Variants in UNC5D observed in about 807,000 individuals in gnomAD.
UNC5D encodes netrin receptor UNC5D.
In UNC5D, 39 loss-of-function variants were observed where a neutral mutation model predicts 105.4. The ratio of observed to expected loss-of-function variants is 0.37; its 90% CI spans 0.29 to 0.48. UNC5D has a LOEUF of 0.48. Among genes scored for constraint, UNC5D ranks in the 20% least tolerant of loss-of-function variants. The pLI is 0.98. For synonymous variants in UNC5D, 452 were observed against 450.4 expected, an observed-to-expected ratio of 1.00 and a Z score of -0.04; for missense variants, 991 against 1,202.4, an observed-to-expected ratio of 0.82 and a Z score of 2.60.
chr8:35,311,958 G>GA (rs987408608), intron 1 of UNC5D, among the ~76,000 whole-genome samples: 2 of 151,596 alleles, frequency 1.3e-5, no homozygotes, highest in Admixed American at 6.6e-5. Flanking sequence ...AGAATAACGG[G>GA]AAAAAAAAGA....
intron 1 of UNC5D, among the ~76,000 whole-genome samples, chr8:35,258,698 A>G (rs1804246717): frequency 6.6e-6 from 1 of 152,164 alleles, no homozygotes; most frequent in South Asian, 2.1e-4. Context: ...CTGGAAACTG[A>G]GATCTAGAAA....
At chr8:35,673,500 G>A (rs1282978536) in intron 4 of UNC5D, among the ~76,000 whole-genome samples, 2 of 152,150 alleles carry the variant, frequency 1.3e-5, no homozygotes, top group Non-Finnish European at 2.9e-5. Flanking sequence ...ATATATTTGA[G>A]GGCTACTAAT....
At chr8:35,299,286 CTGTT>C (rs1169451000) in intron 1 of UNC5D, among the ~76,000 whole-genome samples, 3 of 152,128 alleles carry the variant, frequency 2.0e-5, no homozygotes, top group South Asian at 2.1e-4. Flanking sequence ...TGATCATAGA[CTGTT>C]TGAGGAATGG....
intron 11 of UNC5D, among the ~76,000 whole-genome samples, chr8:35,745,323 C>T (rs1183905971): frequency 6.6e-6 from 1 of 152,110 alleles, no homozygotes; most frequent in Non-Finnish European, 1.5e-5. Flanking sequence ...GAAAACTCTT[C>T]CAGGAAGCAG....
chr8:35,243,368 G>C (rs957059590), intron 1 of UNC5D, among the ~76,000 whole-genome samples: 2 of 152,176 alleles, frequency 1.3e-5, no homozygotes, highest in Non-Finnish European at 2.9e-5. Flanking sequence ...AAAGAAAGAT[G>C]CTGCTCCAGT....
At chr8:35,680,849 C>T (rs1030113060) in intron 4 of UNC5D, among the ~76,000 whole-genome samples, 4 of 152,126 alleles carry the variant, frequency 2.6e-5, no homozygotes, top group Admixed American at 2.6e-4. Flanking sequence ...TGAGGAGAAG[C>T]ATGAAAGAAG....
chr8:35,255,463 A>G (rs1804012412), intron 1 of UNC5D: 1 of 152,174 alleles, frequency 6.6e-6, no homozygotes, highest in African/African-American at 2.4e-5. Flanking sequence ...CAGGATGAGG[A>G]TGTTGTGTGG....
rs747771719 is a variant in UNC5D at position 35,774,398 on chromosome 8, C to T, written c.2578C>T (p.Arg860Trp). The T allele has an allele frequency of 3.7e-6, 6 of 1,613,972 alleles. No homozygotes were observed. The highest frequency in any genetic ancestry group is 2.7e-5 in the African/African-American group (2 of 74,910). ...CAAAATTCCCTACTCCATCAGACAG[C>T]GGATTTGTGCTACATTTGATACCCC... ...AFKIPYSIRQ[R>W]ICATFDTPNA... The change falls in exon 16 of 17, where the codon CGG (arginine) becomes TGG (tryptophan). Residue 860 changes from arginine to tryptophan, a missense_variant. Arg to Trp is a moderately radical substitution (Grantham distance 101). Around this residue, in one of 3 missense-constraint regions of UNC5D, gnomAD observed 944 missense variants for 1,131.6 expected, o/e 0.83. Transcript: ENST00000404895.
chr8:35,739,513 A>T (rs1323729868), intron 11 of UNC5D, among the ~76,000 whole-genome samples: 2 of 152,184 alleles, frequency 1.3e-5, no homozygotes, highest in East Asian at 3.9e-4. Flanking sequence ...AAGACCATGG[A>T]CACTCACAAT....
intron 4 of UNC5D, among the ~76,000 whole-genome samples, chr8:35,682,628 G>A (rs1422251534): frequency 6.6e-6 from 1 of 152,184 alleles, no homozygotes; most frequent in Non-Finnish European, 1.5e-5. Flanking sequence ...ACAGATCAGA[G>A]GAAATTGGCA....
chr8:35,318,263 C>A (rs1809452949), intron 1 of UNC5D, among the ~76,000 whole-genome samples: 1 of 152,148 alleles, frequency 6.6e-6, no homozygotes, highest in South Asian at 2.1e-4. Context: ...TATATAAGGG[C>A]AGTTGTCTTC....
chr8:35,761,915 A>G (rs61412637), intron 14 of UNC5D, among the ~76,000 whole-genome samples: 11,394 of 152,178 alleles, frequency 0.075, 1,152 homozygotes, highest in African/African-American at 0.23. Flanking sequence ...CAAACTTGGC[A>G]TGGAGAATGG....
chr8:35,248,437 GATATA>G (rs1237414054), intron 1 of UNC5D, among the ~76,000 whole-genome samples: 2 of 36,262 alleles, frequency 5.5e-5, no homozygotes, highest in Admixed American at 6.6e-4. Flanking sequence ...ATATGAAATA[GATATA>G]ATATATAAAT....
At chr8:35,721,834 G>A (rs1828599135) in intron 8 of UNC5D, among the ~76,000 whole-genome samples, 1 of 152,150 alleles carries the variant, frequency 6.6e-6, no homozygotes, top group Non-Finnish European at 1.5e-5. Context: ...CACTGTGTGT[G>A]GGTCTGCCCT....
At chr8:35,462,012 A>G (rs555775863) in intron 1 of UNC5D, among the ~76,000 whole-genome samples, 2 of 152,292 alleles carry the variant, frequency 1.3e-5, no homozygotes, top group Non-Finnish European at 2.9e-5. Context: ...GGAAAGTTTC[A>G]TGGTATCTGT....
At chr8:35,691,678 T>A (rs1176038043) in intron 7 of UNC5D, among the ~76,000 whole-genome samples, 1 of 152,170 alleles carries the variant, frequency 6.6e-6, no homozygotes, top group Non-Finnish European at 1.5e-5. Flanking sequence ...AACTTGTTGA[T>A]CCATGTTTTC....
At chr8:35,436,130 A>T (rs1806997434) in intron 1 of UNC5D, among the ~76,000 whole-genome samples, 1 of 152,068 alleles carries the variant, frequency 6.6e-6, no homozygotes, top group South Asian at 2.1e-4. Flanking sequence ...TTAAGTTATA[A>T]CTGATTGTAA....
intron 3 of UNC5D, among the ~76,000 whole-genome samples, chr8:35,569,311 T>C (rs981510024): frequency 6.6e-6 from 1 of 152,012 alleles, no homozygotes; most frequent in Non-Finnish European, 1.5e-5. Context: ...AGAAAGAAAT[T>C]GGGAGATAGG....
At chr8:35,661,316 T>C (rs1464196494) in intron 4 of UNC5D, among the ~76,000 whole-genome samples, 1 of 152,046 alleles carries the variant, frequency 6.6e-6, no homozygotes, top group African/African-American at 2.4e-5. Flanking sequence ...AGTCCTTTGC[T>C]GAGAAGAGAG....
Sources: gnomAD v4.1 joint callset for allele counts (sites outside exome capture counted in the v4.1 genomes callset) on GRCh38, gnomAD v4.1.1 for gene constraint, gnomAD v4.1.1 regional missense constraint, MANE v1.5 for transcripts, NCBI Gene and HGNC (gene_info 2026-07-23, HGNC 2026-07-21) for gene names.